Variants in DCBLD1 observed in about 807,000 individuals in gnomAD.
DCBLD1 encodes discoidin, CUB and LCCL domain-containing protein 1.
A neutral mutation model predicts 71.5 loss-of-function variants in DCBLD1; 57 were observed. The observed-to-expected ratio is 0.80, with a 90% CI of 0.64 to 0.99. DCBLD1 has a LOEUF of 0.99. DCBLD1 is among the 50% of genes least tolerant of loss of function. The probability of loss-of-function intolerance (pLI) is 0.00; values close to 1 mark genes in which losing one functional copy is unlikely to be tolerated. For synonymous variants in DCBLD1, 380 were observed against 363.8 expected (o/e 1.04, Z -0.51); for missense variants, 891 against 923.5 (o/e 0.96, Z 0.46).
intron 2 of DCBLD1, among the ~76,000 whole-genome samples, chr6:117,506,177 A>G (rs1041838666): frequency 6.6e-6 from 1 of 152,090 alleles, no homozygotes; most frequent in Non-Finnish European, 1.5e-5. Flanking sequence ...TCCACCTTCC[A>G]AGGTAAATAT....
At chr6:117,556,147 G>GT (rs1779492492) in intron 14 of DCBLD1, among the ~76,000 whole-genome samples, 2 of 152,182 alleles carry the variant, frequency 1.3e-5, no homozygotes, top group Admixed American at 1.3e-4. Flanking sequence ...TAGACTCCAA[G>GT]TTTTAGTGTC....
chr6:117,510,889 C>T (rs1488778376), intron 2 of DCBLD1, among the ~76,000 whole-genome samples: 1 of 152,146 alleles, frequency 6.6e-6, no homozygotes, highest in African/African-American at 2.4e-5. Context: ...CAACTATGTG[C>T]GATGCACTGG....
chr6:117,520,073 G>A (rs1778335807), intron 3 of DCBLD1, 123 bp downstream of exon 3: 15 of 1,437,830 alleles, frequency 1.0e-5, no homozygotes, highest in Non-Finnish European at 1.4e-5. Flanking sequence ...TGAGGGAGAA[G>A]AGGAACATGG....
chr6:117,547,358 G>A (rs1007402145), intron 14 of DCBLD1, among the ~76,000 whole-genome samples: 12 of 152,076 alleles, frequency 7.9e-5, no homozygotes, highest in African/African-American at 2.9e-4. Context: ...TTCCTACCTC[G>A]GGATTTTTTT....
intron 14 of DCBLD1, among the ~76,000 whole-genome samples, chr6:117,557,593 G>A (rs1047770417): frequency 3.3e-5 from 5 of 151,960 alleles, no homozygotes; most frequent in African/African-American, 7.2e-5. Context: ...GTGAAACCCC[G>A]TCTCTACTAA....
intron 14 of DCBLD1, among the ~76,000 whole-genome samples, chr6:117,559,835 G>A (rs1204449103): frequency 2.0e-5 from 3 of 152,090 alleles, no homozygotes; most frequent in East Asian, 1.9e-4. Context: ...TATCCTATGG[G>A]GTTGTATTCT....
Position 117,548,648 on chromosome 6 carries a change from G to A in DCBLD1, c.*209G>A, listed in dbSNP as rs1779361135. The A allele has an allele frequency of 2.1e-6, 3 of 1,419,350 alleles. No individual in the cohort carries two copies. The highest frequency in any genetic ancestry group is 1.5e-5 in the South Asian group (1 of 64,552). The allele number at this position is 1,419,350 out of a possible 1,614,324, so 87.9% of individuals were successfully genotyped here. ...GGTTTCGTGCTGACCCTTAGGGTGC[G>A]TCTGTTGGGTTTTGTTGGGCTAGAA... On this transcript the variant is annotated 3_prime_UTR_variant, in exon 15 of 15. Coordinates refer to ENST00000338728, the MANE Select transcript of DCBLD1 (RefSeq NM_001366458.2).
At chr6:117,511,541 T>A (rs1251080478) in intron 2 of DCBLD1, among the ~76,000 whole-genome samples, 1 of 148,910 alleles carries the variant, frequency 6.7e-6, no homozygotes, top group Non-Finnish European at 1.5e-5. Flanking sequence ...CAACTGTTAA[T>A]GTTTATGTTA....
At chr6:117,520,508 C>A (rs115896212) in intron 3 of DCBLD1, among the ~76,000 whole-genome samples, 1,626 of 152,274 alleles carry the variant, frequency 0.011, 36 homozygotes, top group African/African-American at 0.037. Context: ...AGGGGCAACG[C>A]TTTTCACCAG....
chr6:117,523,365 T>C (rs1402338891), intron 4 of DCBLD1, among the ~76,000 whole-genome samples: 1 of 152,230 alleles, frequency 6.6e-6, no homozygotes, highest in Non-Finnish European at 1.5e-5. Context: ...TGGTGATTCT[T>C]GATTAATGTG....
At chr6:117,562,321 G>A (rs1181473292) in intron 14 of DCBLD1, 4 of 202,094 alleles carry the variant, frequency 2.0e-5, no homozygotes, top group Non-Finnish European at 4.1e-5. Flanking sequence ...TGATTTGAAT[G>A]TACTGTGTTT....
intron 2 of DCBLD1, among the ~76,000 whole-genome samples, chr6:117,517,825 A>T (rs547469170): frequency 6.6e-6 from 1 of 152,320 alleles, no homozygotes; most frequent in East Asian, 1.9e-4. Flanking sequence ...GGCTGCACAC[A>T]GCACAGGGAT....
At chr6:117,538,048 A>T (rs560288585) in intron 7 of DCBLD1, among the ~76,000 whole-genome samples, 4 of 152,312 alleles carry the variant, frequency 2.6e-5, no homozygotes, top group African/African-American at 9.6e-5. Flanking sequence ...TTCTATGTAA[A>T]TATTCTCCCT....
intron 11 of DCBLD1, among the ~76,000 whole-genome samples, chr6:117,542,434 G>T (rs1779129545): frequency 6.6e-6 from 1 of 151,910 alleles, no homozygotes; most frequent in African/African-American, 2.4e-5. Flanking sequence ...TTCTTCCCAG[G>T]GATCACAGAA....
At chr6:117,543,020 T>C (rs1779151194) in intron 11 of DCBLD1, 104 bp from the exon 12 acceptor site, 4 of 918,620 alleles carry the variant, frequency 4.4e-6, no homozygotes, top group Non-Finnish European at 7.2e-6. Context: ...TTTCCCCCTA[T>C]ATTAAATGCT....
exon 15 of DCBLD1, chr6:117,569,826 T>C: frequency 7.3e-7 from 1 of 1,361,966 alleles, no homozygotes. Flanking sequence ...CTTAAAAATA[T>C]ATTTCATTAA....
chr6:117,513,214 A>G (rs184505269), intron 2 of DCBLD1, among the ~76,000 whole-genome samples: 4 of 152,316 alleles, frequency 2.6e-5, no homozygotes, highest in African/African-American at 9.6e-5. Context: ...CTTATAGGAC[A>G]GCTTTCTTTT....
intron 2 of DCBLD1, among the ~76,000 whole-genome samples, chr6:117,510,306 C>A (rs1424829227): frequency 6.6e-6 from 1 of 151,608 alleles, no homozygotes. Flanking sequence ...TCTTCTTTTC[C>A]TGCTTTTTCT....
At chr6:117,550,358 G>A (rs889006110), downstream of DCBLD1, among the ~76,000 whole-genome samples, 1 of 152,112 alleles carries the variant, frequency 6.6e-6, no homozygotes, top group African/African-American at 2.4e-5. Flanking sequence ...AGAGGATAAG[G>A]GCAGAAAAAT....
Sources: gnomAD v4.1 joint callset for allele counts (sites outside exome capture counted in the v4.1 genomes callset) on GRCh38, gnomAD v4.1.1 for gene constraint, MANE v1.5 for transcripts, NCBI Gene and HGNC (gene_info 2026-07-23, HGNC 2026-07-21) for gene names.